Variants in LHFPL3 observed in about 807,000 individuals in gnomAD.
LHFPL3 encodes the protein LHFPL tetraspan subfamily member 3 protein.
LHFPL3 carries 5 observed loss-of-function variants against 19.3 expected under a neutral mutation model. The observed-to-expected ratio is 0.26, with a 90% confidence interval of 0.14 to 0.54. The LOEUF is 0.54. LHFPL3 is among the 20% of genes least tolerant of loss of function. The probability of loss-of-function intolerance (pLI) is 0.94; values close to 1 mark genes in which losing one functional copy is unlikely to be tolerated. For synonymous variants in LHFPL3, 133 were observed against 126.2 expected (o/e 1.05, Z -0.36); for missense variants, 249 against 307.4 (o/e 0.81, Z 1.42).
chr7:104,704,563 G>C (rs1312848912), intron 1 of LHFPL3, among the ~76,000 whole-genome samples: 1 of 150,676 alleles, frequency 6.6e-6, no homozygotes, highest in Non-Finnish European at 1.5e-5. Context: ...AATGATACAA[G>C]AGTGATTCCT....
chr7:104,658,797 A>G (rs1289159899), intron 1 of LHFPL3, among the ~76,000 whole-genome samples: 1 of 152,190 alleles, frequency 6.6e-6, no homozygotes, highest in Non-Finnish European at 1.5e-5. Context: ...CTCAAAAAAC[A>G]AACTAAAAAA....
chr7:104,504,974 T>A (rs570215635), intron 1 of LHFPL3, among the ~76,000 whole-genome samples: 9 of 151,948 alleles, frequency 5.9e-5, no homozygotes, highest in African/African-American at 1.7e-4. Flanking sequence ...ACACTGCTTG[T>A]GTATACATAT....
At chr7:104,348,805 A>G (rs1790121454) in intron 1 of LHFPL3, among the ~76,000 whole-genome samples, 1 of 152,224 alleles carries the variant, frequency 6.6e-6, no homozygotes, top group African/African-American at 2.4e-5. Context: ...TCAAGGCGCT[A>G]AACAGATGAG....
intron 2 of LHFPL3, among the ~76,000 whole-genome samples, chr7:104,872,340 CAA>C (rs1220380284): frequency 7.7e-6 from 1 of 129,346 alleles, no homozygotes; most frequent in Admixed American, 8.0e-5. Context: ...ATGTCTCAAA[CAA>C]AAAAAAAAAA....
At chr7:104,458,491 C>T (rs1792591193) in intron 1 of LHFPL3, among the ~76,000 whole-genome samples, 1 of 152,060 alleles carries the variant, frequency 6.6e-6, no homozygotes, top group African/African-American at 2.4e-5. Flanking sequence ...GTTTTGGTAC[C>T]AGTACCATGC....
chr7:104,731,937 C>T (rs1279066923), intron 1 of LHFPL3, among the ~76,000 whole-genome samples: 7 of 152,198 alleles, frequency 4.6e-5, no homozygotes, highest in Admixed American at 1.3e-4. Flanking sequence ...GCATGAAGGG[C>T]TGTTGAATTT....
At chr7:104,825,462 C>T (rs1790799741) in intron 2 of LHFPL3, among the ~76,000 whole-genome samples, 1 of 151,786 alleles carries the variant, frequency 6.6e-6, no homozygotes, top group South Asian at 2.1e-4. Flanking sequence ...TTATTTAACC[C>T]ATTAGAGCCT....
chr7:104,615,496 T>C (rs971904383), intron 1 of LHFPL3, among the ~76,000 whole-genome samples: 27 of 152,332 alleles, frequency 1.8e-4, no homozygotes, highest in African/African-American at 6.0e-4. Flanking sequence ...CACCTCAATA[T>C]GGATAGTTCT....
At chr7:104,514,072 CTT>C (rs1168239364) in intron 1 of LHFPL3, among the ~76,000 whole-genome samples, 2 of 152,152 alleles carry the variant, frequency 1.3e-5, no homozygotes, top group Non-Finnish European at 2.9e-5. Context: ...TATTAGCTCT[CTT>C]AACATTTCCT....
chr7:104,581,261 T>C (rs902920097), intron 1 of LHFPL3, among the ~76,000 whole-genome samples: 3 of 152,090 alleles, frequency 2.0e-5, no homozygotes, highest in Non-Finnish European at 4.4e-5. Context: ...TGTTTTAAAA[T>C]CCTTGAAGAC....
intron 1 of LHFPL3, among the ~76,000 whole-genome samples, chr7:104,716,250 G>C (rs1793384268): frequency 6.6e-6 from 1 of 152,048 alleles, no homozygotes; most frequent in African/African-American, 2.4e-5. Context: ...GGGAGGCTGA[G>C]GCAGGAGAAT....
chr7:104,723,324 T>C (rs973777546), intron 1 of LHFPL3, among the ~76,000 whole-genome samples: 4 of 152,172 alleles, frequency 2.6e-5, no homozygotes, highest in Non-Finnish European at 4.4e-5. Context: ...ACAAAGAAGC[T>C]TTTGTTGTTT....
intron 1 of LHFPL3, among the ~76,000 whole-genome samples, chr7:104,391,629 G>C (rs1791070874): frequency 6.6e-6 from 1 of 152,212 alleles, no homozygotes; most frequent in Non-Finnish European, 1.5e-5. Flanking sequence ...GACGCCTCTA[G>C]CTTTGTTCTT....
chr7:104,400,606 T>C (rs1791296003), intron 1 of LHFPL3, among the ~76,000 whole-genome samples: 1 of 152,196 alleles, frequency 6.6e-6, no homozygotes, highest in Non-Finnish European at 1.5e-5. Flanking sequence ...ATTATTATTA[T>C]GCTGCATAAG....
intron 2 of LHFPL3, among the ~76,000 whole-genome samples, chr7:104,815,093 C>T (rs1480709791): frequency 6.6e-6 from 1 of 152,108 alleles, no homozygotes; most frequent in African/African-American, 2.4e-5. Context: ...CTCCCGCCTG[C>T]CCCCCAACCC....
intron 1 of LHFPL3, among the ~76,000 whole-genome samples, chr7:104,387,334 C>A (rs1168408319): frequency 1.3e-5 from 2 of 151,986 alleles, no homozygotes; most frequent in African/African-American, 4.8e-5. Flanking sequence ...TGCCATTGCA[C>A]TCCAGCCTGG....
intron 2 of LHFPL3, among the ~76,000 whole-genome samples, chr7:104,862,393 TTACTC>T (rs755397425): frequency 1.4e-4 from 21 of 152,158 alleles, no homozygotes; most frequent in African/African-American, 3.4e-4. Flanking sequence ...CTTTAAAACA[TTACTC>T]TAATTTTCTA....
At chr7:104,408,080 C>G (rs1156704448) in intron 1 of LHFPL3, among the ~76,000 whole-genome samples, 1 of 152,096 alleles carries the variant, frequency 6.6e-6, no homozygotes, top group Non-Finnish European at 1.5e-5. Context: ...CTGCTTCACA[C>G]TATTTATTGG....
chr7:104,790,369 C>T (rs1197839444), intron 2 of LHFPL3, among the ~76,000 whole-genome samples: 1 of 152,164 alleles, frequency 6.6e-6, no homozygotes, highest in African/African-American at 2.4e-5. Context: ...ATAGACAGAG[C>T]CTGCTTGTCT....
Sources: gnomAD v4.1 joint callset for allele counts (sites outside exome capture counted in the v4.1 genomes callset) on GRCh38, gnomAD v4.1.1 for gene constraint, MANE v1.5 for transcripts, NCBI Gene and HGNC (gene_info 2026-07-23, HGNC 2026-07-21) for gene names.